NOSTRIN: variants seen among roughly 807,000 people sequenced by gnomAD.
NOSTRIN encodes the protein BM247 homolog.
NOSTRIN carries 63 observed loss-of-function variants against 59.0 expected under a neutral mutation model. The observed-to-expected ratio is 1.07, with a 90% CI of 0.87 to 1.32. The LOEUF (loss-of-function observed/expected upper bound fraction) is 1.32, where lower values mean the gene tolerates loss of function less well. Among genes scored for constraint, NOSTRIN ranks in the 40% most tolerant of loss-of-function variants. The pLI is 0.00. For synonymous variants in NOSTRIN, 200 were observed against 165.4 expected (o/e 1.21, Z -1.61); for missense variants, 512 against 473.1 (o/e 1.08, Z -0.76).
intron 2 of NOSTRIN, among the ~76,000 whole-genome samples, chr2:168,819,076 G>A (rs1686577517): frequency 6.6e-6 from 1 of 152,040 alleles, no homozygotes; most frequent in South Asian, 2.1e-4. Context: ...AGAGAATTAA[G>A]CACAATGTCT....
At chr2:168,804,996 A>G (rs1032918167) in intron 1 of NOSTRIN, among the ~76,000 whole-genome samples, 99 of 152,370 alleles carry the variant, frequency 6.5e-4, no homozygotes, top group African/African-American at 1.3e-3. Context: ...GTAATTTAGT[A>G]TGTTAATAAA....
Position 168,864,869 on chromosome 2 carries a change from G to A in NOSTRIN, c.1420G>A (p.Gly474Arg). The A allele has an allele frequency of 6.2e-6, 10 of 1,613,928 alleles. No individual in the cohort carries two copies. The highest frequency in any genetic ancestry group is 8.5e-6 in the Non-Finnish European group (10 of 1,179,930). The change falls in exon 16 of 16, where the codon GGA becomes AGA. Residue 474 changes from glycine to arginine, a missense_variant. Transcript: ENST00000317647. ...GATTATACACGAGAAAAAAGAAGGA[G>A]GATGGTGGTTTGGATCTTTGAATGG... ...IVIIHEKKEG[G>R]WWFGSLNGKK...
At chr2:168,849,900 A>C in intron 8 of NOSTRIN, among the ~76,000 whole-genome samples, 1 of 141,048 alleles carries the variant, frequency 7.1e-6, no homozygotes, top group African/African-American at 2.7e-5. Context: ...GCATGGGTCC[A>C]ATAAGTAACA....
At chr2:168,821,228 C>T (rs971628845) in intron 2 of NOSTRIN, among the ~76,000 whole-genome samples, 8 of 152,216 alleles carry the variant, frequency 5.3e-5, no homozygotes, top group African/African-American at 1.9e-4. Context: ...GTTAGCTTTC[C>T]TGGACTCAGA....
At chr2:168,790,068 A>G (rs1392014901) in intron 2 of NOSTRIN, among the ~76,000 whole-genome samples, 1 of 152,204 alleles carries the variant, frequency 6.6e-6, no homozygotes, top group East Asian at 1.9e-4. Context: ...TCAAGCAGTA[A>G]AATTTGCTAA....
At chr2:168,851,798 A>T (rs13025525) in intron 10 of NOSTRIN, among the ~76,000 whole-genome samples, 17,327 of 151,920 alleles carry the variant, frequency 0.11, 1,049 homozygotes, top group Non-Finnish European at 0.13. Context: ...TAAAACAAAC[A>T]TGTATTATCT....
intron 14 of NOSTRIN, among the ~76,000 whole-genome samples, chr2:168,861,726 G>A (rs1306416037): frequency 1.3e-5 from 2 of 152,102 alleles, no homozygotes; most frequent in Non-Finnish European, 2.9e-5. Flanking sequence ...GCTATTTCAT[G>A]TATTATAATA....
chr2:168,808,876 G>T (rs1375392091), intron 1 of NOSTRIN, among the ~76,000 whole-genome samples: 2 of 152,128 alleles, frequency 1.3e-5, no homozygotes, highest in Non-Finnish European at 1.5e-5. Context: ...TAGAATAAAT[G>T]CCTCAGAATA....
chr2:168,832,987 C>A (rs1192341505), intron 6 of NOSTRIN, among the ~76,000 whole-genome samples: 1 of 152,080 alleles, frequency 6.6e-6, no homozygotes. Context: ...GAATTCAGTA[C>A]AATGAATCAA....
chr2:168,823,068 G>A (rs568581632), intron 2 of NOSTRIN, among the ~76,000 whole-genome samples: 2 of 152,274 alleles, frequency 1.3e-5, no homozygotes, highest in South Asian at 2.1e-4. Flanking sequence ...CCAGGCTAGC[G>A]TGCAGTGGCG....
In NOSTRIN at chr2:168,859,361, T is replaced by G. The variant is rs573708241; in HGVS notation, c.1054-151T>G. 83 of 1,198,096 alleles carry G rather than the reference T, an allele frequency of 6.9e-5. No homozygotes were observed. In the African/African-American group the frequency reaches 1.3e-3, roughly 18 times the overall value. The allele number at this position is 1,198,096 out of a possible 1,614,324, so 74.2% of individuals were successfully genotyped here. Reference sequence around the variant, plus strand: ...GCTTAAAGAGTTTATTCCTCCATTTTTTTTTCCTTCGGCATTTTCTGTGAA... The same window carrying G: ...GCTTAAAGAGTTTATTCCTCCATTTGTTTTTCCTTCGGCATTTTCTGTGAA... On this transcript the variant is annotated intron_variant, in intron 12 of 15. Transcript: ENST00000317647.
At chr2:168,845,627 C>G (rs966173102) in intron 8 of NOSTRIN, among the ~76,000 whole-genome samples, 3 of 152,298 alleles carry the variant, frequency 2.0e-5, no homozygotes, top group South Asian at 4.2e-4. Flanking sequence ...CACCACTCCC[C>G]CTTCTCAGCA....
chr2:168,833,709 G>A (rs1398610608), intron 6 of NOSTRIN, among the ~76,000 whole-genome samples: 1 of 152,094 alleles, frequency 6.6e-6, no homozygotes, highest in East Asian at 1.9e-4. Flanking sequence ...GCAAGTGCAG[G>A]GCATTTCACA....
intron 8 of NOSTRIN, among the ~76,000 whole-genome samples, chr2:168,844,392 T>TA (rs1474852880): frequency 1.2e-5 from 1 of 85,374 alleles, no homozygotes; most frequent in East Asian, 3.6e-4. Flanking sequence ...TGTTTTAAGT[T>TA]TAAAAAAAAA....
At chr2:168,844,135 C>T (rs964396601) in intron 8 of NOSTRIN, among the ~76,000 whole-genome samples, 3 of 152,102 alleles carry the variant, frequency 2.0e-5, no homozygotes, top group South Asian at 2.1e-4. Context: ...TAAACTCATG[C>T]GCAAACTATA....
At chr2:168,836,337 A>G (rs1040324790) in intron 7 of NOSTRIN, among the ~76,000 whole-genome samples, 24 of 152,148 alleles carry the variant, frequency 1.6e-4, no homozygotes, top group African/African-American at 5.5e-4. Context: ...TCCTCTTCCT[A>G]CCCCCATCAG....
upstream of NOSTRIN, among the ~76,000 whole-genome samples, chr2:168,797,063 TTTC>T (rs1685496904): frequency 7.4e-6 from 1 of 134,872 alleles, no homozygotes; most frequent in Non-Finnish European, 1.5e-5. Flanking sequence ...CTTTTCTTTC[TTTC>T]TTTTTCTTTT....
chr2:168,795,867 G>A (rs549980271), upstream of NOSTRIN, among the ~76,000 whole-genome samples: 1 of 152,158 alleles, frequency 6.6e-6, no homozygotes, highest in East Asian at 1.9e-4. Flanking sequence ...CACTGCTTCT[G>A]CCACAGTTTA....
intron 2 of NOSTRIN, among the ~76,000 whole-genome samples, chr2:168,789,355 A>T (rs1409388955): frequency 2.6e-5 from 4 of 152,240 alleles, no homozygotes; most frequent in Non-Finnish European, 5.9e-5. Flanking sequence ...GGGAGACCTC[A>T]TAACCATGGC....
Sources: gnomAD v4.1 joint callset for allele counts (sites outside exome capture counted in the v4.1 genomes callset) on GRCh38, gnomAD v4.1.1 for gene constraint, MANE v1.5 for transcripts, NCBI Gene and HGNC (gene_info 2026-07-23, HGNC 2026-07-21) for gene names.